PKD1L1: variants seen among roughly 807,000 people sequenced by gnomAD.
The protein encoded by PKD1L1 is polycystin-1-like protein 1.
In PKD1L1, 236 loss-of-function variants were observed where a neutral mutation model predicts 323.4. That is an observed-to-expected ratio of 0.73 (90% CI 0.66 to 0.81). The LOEUF (loss-of-function observed/expected upper bound fraction) is 0.81, where lower values mean the gene tolerates loss of function less well. Ranked by LOEUF, PKD1L1 falls within the 40% of genes least tolerant of loss-of-function variation. PKD1L1 has a pLI of 0.00. For missense variants in PKD1L1, 3,320 were observed against 3,508.0 expected (o/e 0.95, Z 1.35); for synonymous variants, 1,344 against 1,335.0 (o/e 1.01, Z -0.15).
In PKD1L1 at chr7:47,870,940, TC is replaced by T. The variant is rs531345004; in HGVS notation, c.3896+2958del. On this transcript the variant is annotated intron_variant, in intron 24 of 56. Transcript: ENST00000289672. The stretch of plus-strand genomic sequence containing the variant: ...GTGAGCCATGATCATGCCACTGTAC[TC>T]CAACCTAGACAACAGATGGAAACCT... Among the ~76,000 whole-genome samples, 364 of 127,328 alleles carry T rather than the reference TC, an allele frequency of 2.9e-3. 2 individuals are homozygous for T. The highest frequency in any genetic ancestry group is 0.022 in the Middle Eastern group (4 of 182). 83.5% of individuals were successfully genotyped at this position (127,328 alleles called of 152,430 possible).
At position 47,931,201 on chromosome 7, in the gene PKD1L1, T is replaced by C. The variant is rs766745584; in HGVS notation, c.640A>G (p.Thr214Ala). The C allele has an allele frequency of 1.4e-5, 22 of 1,614,064 alleles. No homozygotes were observed. In the Admixed American group the frequency reaches 1.7e-4, roughly 12 times the overall value. Residue 214 changes from threonine to alanine, a missense_variant, in exon 6 of 57, where the codon ACG becomes GCG. Thr to Ala is a moderately conservative substitution (Grantham distance 58, BLOSUM62 0). Coordinates refer to ENST00000289672, the MANE Select transcript of PKD1L1 (RefSeq NM_138295.5). ...GCCACCTTGGTGGGGGTCTCCATCG[T>C]GACAGTCCCAGGAAGCAGCCCCGTG... Reference protein sequence around the residue: ...VATGLLPGTVTMETPTKVARP... With the variant: ...VATGLLPGTVAMETPTKVARP...
At chr7:47,802,892 C>A (rs1441822677) in intron 53 of PKD1L1, among the ~76,000 whole-genome samples, 1 of 152,076 alleles carries the variant, frequency 6.6e-6, no homozygotes, top group Non-Finnish European at 1.5e-5. Context: ...TATGAGAGGC[C>A]CAAAGTGCCA....
At chr7:47,831,946 T>C (rs1785356534) in intron 41 of PKD1L1, among the ~76,000 whole-genome samples, 1 of 152,198 alleles carries the variant, frequency 6.6e-6, no homozygotes, top group Admixed American at 6.5e-5. Flanking sequence ...CCCTCTCTGC[T>C]GTGTGATTTC....
rs150444788 is a variant in PKD1L1, at chr7:47,938,528, T to G, written c.286-1570A>C. Among the ~76,000 whole-genome samples the G allele has an allele frequency of 1.3e-3, 202 of 152,206 alleles. 1 individual carries two copies. Among genetic ancestry groups the G allele is most frequent in the African/African-American group, 4.8e-3 (198 of 41,526 alleles). ...AGACACAGGGCTTTGCAAGACACTA[T>G]CCTATAACTATGCCCAATCAGCAAA... On this transcript the variant is annotated intron_variant, in intron 3 of 56. Transcript: ENST00000289672.
Position 47,815,325 on chromosome 7 carries a change from A to T in PKD1L1, c.7089+9T>A, listed in dbSNP as rs1475652676. The T allele has an allele frequency of 6.2e-7, 1 of 1,612,218 alleles. No individual in the cohort carries two copies. Among genetic ancestry groups the T allele is most frequent in the Admixed American group, 1.7e-5 (1 of 59,430 alleles). ...ATGATCTCCTATGAAGAGGAGACGGAAAGCTCACCTGAGCCCCCGGCACAC... is the reference window on the plus strand; with the variant it reads ...ATGATCTCCTATGAAGAGGAGACGGTAAGCTCACCTGAGCCCCCGGCACAC... On this transcript the variant is annotated intron_variant, in intron 47 of 56. Transcript: ENST00000289672.
At chr7:47,944,858 G>A (rs548912607) in intron 1 of PKD1L1, among the ~76,000 whole-genome samples, 1 of 152,336 alleles carries the variant, frequency 6.6e-6, no homozygotes, top group East Asian at 1.9e-4. Context: ...ATCAAGTGCA[G>A]CGAGTGAAAT....
intron 55 of PKD1L1, among the ~76,000 whole-genome samples, chr7:47,794,596 G>A (rs1172252673): frequency 5.3e-5 from 8 of 152,180 alleles, no homozygotes; most frequent in African/African-American, 1.9e-4. Flanking sequence ...CTAGGGCAGT[G>A]TGGAAGGGAC....
chr7:47,864,637 C>CTTTCTTTCTTTCTTTCTTTCTTTCT (rs1562964112), intron 26 of PKD1L1, among the ~76,000 whole-genome samples: 1 of 52,770 alleles, frequency 1.9e-5, no homozygotes, highest in African/African-American at 5.7e-5. Context: ...TCTTTCTTTC[C>CTTTCTTTCTTTCTTTCTTTCTTTCT]TTCCTTCCTT....
In PKD1L1 at chr7:47,904,502, G is replaced by C; in HGVS notation, c.1807C>G (p.Leu603Val). Residue 603 changes from leucine to valine, a missense_variant, in exon 12 of 57, where the codon CTG becomes GTG. Physicochemically the swap from Leu to Val is conservative, Grantham distance 32 (BLOSUM62 1). Coordinates refer to ENST00000289672, the MANE Select transcript of PKD1L1 (RefSeq NM_138295.5). ...TCAAAGGCCACACTGGCATTTACCA[G>C]AGCTGAGGAGGGGGACGTGAGCCGA... ...ANRLTSPSSA[L>V]VNASVAFECW... 3.7e-6 allele frequency: 6 copies of C among 1,614,178 alleles called. No homozygotes were observed. Among genetic ancestry groups the C allele is most frequent in the South Asian group, 1.1e-5 (1 of 91,076 alleles).
chr7:47,876,191 CTGG>C lies in PKD1L1; in HGVS notation c.3687_3689del (p.Tyr1229_Gln1230delinsTer). On this transcript the variant is annotated stop_gained and inframe_deletion, in exon 23 of 57. Coordinates refer to ENST00000289672, the MANE Select transcript of PKD1L1 (RefSeq NM_138295.5). LOFTEE classifies it high-confidence loss of function. Reference sequence around the variant, plus strand: ...AAGTGTGTTTGGAGGTGTTTCCTATCTGGTAACTAAATTCATAATGGAAGTCCT... The same window carrying C: ...AAGTGTGTTTGGAGGTGTTTCCTATCTAACTAAATTCATAATGGAAGTCCT... 1.2e-6 allele frequency: 2 copies of C among 1,614,086 alleles called. No individual in the cohort carries two copies. The highest frequency in any genetic ancestry group is 1.7e-6 in the Non-Finnish European group (2 of 1,179,962).
upstream of PKD1L1, among the ~76,000 whole-genome samples, chr7:47,949,153 G>C (rs1403722307): frequency 1.3e-5 from 2 of 151,566 alleles, no homozygotes; most frequent in Non-Finnish European, 2.9e-5. Context: ...GGCGGATCAC[G>C]AGGTCAGGAG....
At chr7:47,904,336 C>A (rs767833749) in intron 12 of PKD1L1, 42 bp downstream of exon 12, 2 of 1,611,792 alleles carry the variant, frequency 1.2e-6, no homozygotes, top group Non-Finnish European at 1.7e-6. Context: ...CTGATTCCCG[C>A]GCTGTCTGTA....
intron 12 of PKD1L1, among the ~76,000 whole-genome samples, chr7:47,903,673 G>A (rs1480659400): frequency 6.6e-6 from 1 of 152,150 alleles, no homozygotes; most frequent in Non-Finnish European, 1.5e-5. Context: ...TCATTTTCTA[G>A]ATACTTCTGC....
At chr7:47,778,982 C>T (rs1381093005) in intron 56 of PKD1L1, among the ~76,000 whole-genome samples, 1 of 152,206 alleles carries the variant, frequency 6.6e-6, no homozygotes, top group Non-Finnish European at 1.5e-5. Flanking sequence ...ATATTAGTAA[C>T]TAAACTAGAA....
chr7:47,872,869 A>G (rs1357338135), intron 24 of PKD1L1, among the ~76,000 whole-genome samples: 18 of 152,258 alleles, frequency 1.2e-4, no homozygotes, highest in Admixed American at 1.2e-3. Context: ...ATAAATGTTC[A>G]TAGCAGTGTG....
At position 47,866,510 on chromosome 7, in the gene PKD1L1, GACAA is replaced by G. The variant is rs1259250158; in HGVS notation, c.3997_4000del (p.Ser1334ArgfsTer18). On this transcript the variant is annotated frameshift_variant, in exon 25 of 57. Coordinates refer to ENST00000289672, the MANE Select transcript of PKD1L1 (RefSeq NM_138295.5). LOFTEE classifies it high-confidence loss of function. ...GCAGGAGGCAGTTTTGTCCTCCTTA[GACAA>G]ACGACTCAGGATTCTGGTGATCACA... 2 of 1,610,854 alleles carry G rather than the reference GACAA, an allele frequency of 1.2e-6. No homozygotes were observed. The highest frequency in any genetic ancestry group is 1.7e-6 in the Non-Finnish European group (2 of 1,178,334).
chr7:47,847,010 T>A lies in PKD1L1; in HGVS notation c.5022A>T (p.Arg1674Ser), dbSNP rs915748687. Residue 1674 changes from arginine (R) to serine (S), a missense_variant, in exon 32 of 57, where the codon AGA becomes AGT. Transcript: ENST00000289672. ...TATAGTTCACTGCCTTAGCTAAATA[T>A]CTGTTTGGAGGTTTTCTGTCATAGT... ...DADYDRKPPNRYLAKAVNYTV... is the reference protein window; with the variant it reads ...DADYDRKPPNSYLAKAVNYTV... 9 of 1,612,772 alleles carry A rather than the reference T, an allele frequency of 5.6e-6. No homozygotes were observed. Among genetic ancestry groups the A allele is most frequent in the Non-Finnish European group, 7.6e-6 (9 of 1,179,558 alleles).
intron 34 of PKD1L1, 86 bp downstream of exon 34, chr7:47,842,876 C>G: frequency 7.8e-7 from 1 of 1,282,698 alleles, no homozygotes. Flanking sequence ...AGGTGACAGA[C>G]GGGGCAGCCA....
chr7:47,937,942 G>A (rs574518554), intron 3 of PKD1L1, among the ~76,000 whole-genome samples: 1 of 152,120 alleles, frequency 6.6e-6, no homozygotes, highest in East Asian at 1.9e-4. Flanking sequence ...AAGCAGGGAG[G>A]TGCCCACGGC....
Sources: gnomAD v4.1 joint callset for allele counts (sites outside exome capture counted in the v4.1 genomes callset) on GRCh38, gnomAD v4.1.1 for gene constraint, MANE v1.5 for transcripts, NCBI Gene and HGNC (gene_info 2026-07-23, HGNC 2026-07-21) for gene names.